Variants in ADGRL3 observed in about 807,000 individuals in gnomAD.
The protein encoded by ADGRL3 is adhesion G protein-coupled receptor L3.
In ADGRL3, 62 loss-of-function variants were observed where a neutral mutation model predicts 153.5. The observed-to-expected ratio is 0.40, with a 90% CI of 0.33 to 0.50. ADGRL3 has a LOEUF of 0.50. Among genes scored for constraint, ADGRL3 ranks in the 20% least tolerant of loss-of-function variants. ADGRL3 has a pLI of 0.47. For synonymous variants in ADGRL3, 710 were observed against 672.5 expected, an observed-to-expected ratio of 1.06 and a Z score of -0.86; for missense variants, 1,641 against 1,859.4, an observed-to-expected ratio of 0.88 and a Z score of 2.16.
intron 1 of ADGRL3, among the ~76,000 whole-genome samples, chr4:61,207,919 A>G (rs895989673): frequency 6.6e-6 from 1 of 152,202 alleles, no homozygotes; most frequent in Admixed American, 6.5e-5. Context: ...CCACATAAAG[A>G]GCCATGTAGG....
intron 1 of ADGRL3, among the ~76,000 whole-genome samples, chr4:61,247,267 C>T (rs1478557117): frequency 1.3e-5 from 2 of 151,972 alleles, no homozygotes; most frequent in African/African-American, 2.4e-5. Context: ...CATAAAGAGC[C>T]TTCATTGCAT....
At chr4:61,355,790 A>G (rs2096153729) in intron 1 of ADGRL3, among the ~76,000 whole-genome samples, 1 of 152,092 alleles carries the variant, frequency 6.6e-6, no homozygotes, top group South Asian at 2.1e-4. Context: ...AATAAAAGAA[A>G]TGGCAGTTTT....
intron 11 of ADGRL3, among the ~76,000 whole-genome samples, chr4:61,908,833 A>G (rs1011858571): frequency 6.6e-6 from 1 of 152,020 alleles, no homozygotes; most frequent in Non-Finnish European, 1.5e-5. Context: ...TTACCAATTA[A>G]TATATATTCC....
intron 4 of ADGRL3, among the ~76,000 whole-genome samples, chr4:61,582,756 G>A (rs149558992): frequency 2.8e-3 from 431 of 152,094 alleles, no homozygotes; most frequent in Non-Finnish European, 5.3e-3. Context: ...TAGTGCAATG[G>A]CAGGTGATTT....
chr4:61,459,405 T>A (rs1263642716), intron 2 of ADGRL3, among the ~76,000 whole-genome samples: 1 of 151,976 alleles, frequency 6.6e-6, no homozygotes, highest in Non-Finnish European at 1.5e-5. Flanking sequence ...ATGTAAGATA[T>A]TAATAAATGT....
At chr4:61,300,572 G>A (rs187022793) in intron 1 of ADGRL3, among the ~76,000 whole-genome samples, 21 of 152,158 alleles carry the variant, frequency 1.4e-4, no homozygotes, top group African/African-American at 4.6e-4. Flanking sequence ...GAAATGCTCA[G>A]AAAATTATTA....
At chr4:61,625,803 T>G (rs1393475028) in intron 5 of ADGRL3, among the ~76,000 whole-genome samples, 1 of 152,074 alleles carries the variant, frequency 6.6e-6, no homozygotes, top group Admixed American at 6.6e-5. Flanking sequence ...GGAATAAAGA[T>G]GAACAGAAGT....
chr4:61,792,177 C>A (rs1323817748), intron 8 of ADGRL3, among the ~76,000 whole-genome samples: 1 of 152,114 alleles, frequency 6.6e-6, no homozygotes, highest in Non-Finnish European at 1.5e-5. Context: ...AAACTGAATG[C>A]CTTTACCAGC....
intron 2 of ADGRL3, among the ~76,000 whole-genome samples, chr4:61,432,651 T>TTTC (rs762929422): frequency 1.2e-5 from 1 of 80,912 alleles, no homozygotes; most frequent in African/African-American, 5.3e-5. Context: ...TCTTTCTTTC[T>TTTC]TTCTTTTTTT....
chr4:61,341,435 G>A (rs967168647), intron 1 of ADGRL3, among the ~76,000 whole-genome samples: 7 of 151,494 alleles, frequency 4.6e-5, no homozygotes, highest in African/African-American at 1.7e-4. Flanking sequence ...ACTGCCCACA[G>A]CAAATGCTGT....
intron 1 of ADGRL3, among the ~76,000 whole-genome samples, chr4:61,215,916 TCTTAA>T (rs1489806810): frequency 3.3e-5 from 5 of 152,262 alleles, no homozygotes; most frequent in African/African-American, 1.2e-4. Flanking sequence ...GTTATCACTC[TCTTAA>T]CTTGTATCGA....
rs1368318647 is a variant in ADGRL3 at position 61,200,958 on chromosome 4, G to A, written c.-1047G>A. ...CCCGCTCTGTCTGCGCGCCCCCTCC[G>A]TGCACCGGGGAAGGAGTTTGTGTGG... On this transcript the variant is annotated 5_prime_UTR_variant, in exon 1 of 27. In the 5' UTR this introduces an upstream ATG that the reference lacks. Coordinates refer to ENST00000683033, the MANE Select transcript of ADGRL3 (RefSeq NM_001387552.1). 4.6e-5 allele frequency among the ~76,000 whole-genome samples: 7 copies of A among 152,078 alleles called. No individual in the cohort carries two copies. The highest frequency in any genetic ancestry group is 7.2e-5 in the African/African-American group (3 of 41,444).
At chr4:61,681,375 T>G (rs1343489942) in intron 6 of ADGRL3, among the ~76,000 whole-genome samples, 1 of 152,156 alleles carries the variant, frequency 6.6e-6, no homozygotes, top group African/African-American at 2.4e-5. Flanking sequence ...AGCTTTTCTC[T>G]TCAATTCTTT....
At chr4:61,957,542 C>CATTT (rs1553893766) in intron 17 of ADGRL3, among the ~76,000 whole-genome samples, 4 of 117,158 alleles carry the variant, frequency 3.4e-5, no homozygotes, top group South Asian at 3.3e-4. Flanking sequence ...CTCTTGGTTA[C>CATTT]ATTTATGTAT....
chr4:61,804,757 T>A (rs1290462788), intron 8 of ADGRL3, among the ~76,000 whole-genome samples: 1 of 152,068 alleles, frequency 6.6e-6, no homozygotes, highest in African/African-American at 2.4e-5. Flanking sequence ...GATAAATAGC[T>A]TTTACTTTGA....
chr4:61,217,664 A>G (rs1051722991), intron 1 of ADGRL3, among the ~76,000 whole-genome samples: 8 of 152,240 alleles, frequency 5.3e-5, no homozygotes, highest in African/African-American at 1.7e-4. Flanking sequence ...GAGCAGGAAT[A>G]GGTAAGTTCT....
At chr4:61,420,807 A>AT (rs1002335377) in intron 2 of ADGRL3, 4 of 151,298 alleles carry the variant, frequency 2.6e-5, no homozygotes, top group African/African-American at 9.7e-5. Flanking sequence ...AAAAAAAAAA[A>AT]GTCTACTTAC....
chr4:61,444,956 G>T (rs1451370098), intron 2 of ADGRL3, among the ~76,000 whole-genome samples: 3 of 152,044 alleles, frequency 2.0e-5, no homozygotes, highest in Non-Finnish European at 2.9e-5. Context: ...GGAGACTGGG[G>T]TGGAAGGATC....
At chr4:61,212,435 T>C (rs1740523466) in intron 1 of ADGRL3, among the ~76,000 whole-genome samples, 1 of 152,198 alleles carries the variant, frequency 6.6e-6, no homozygotes, top group Non-Finnish European at 1.5e-5. Context: ...CATGGATAAC[T>C]TTATAATTGC....
Sources: allele counts gnomAD v4.1 joint callset (sites outside exome capture counted in the v4.1 genomes callset), GRCh38; gene constraint gnomAD v4.1.1; transcripts MANE v1.5; gene names NCBI Gene and HGNC (gene_info 2026-07-23, HGNC 2026-07-21).